CCDC178: variants seen among roughly 807,000 people sequenced by gnomAD.
The protein encoded by CCDC178 is coiled-coil domain containing 178, also known as coiled-coil domain-containing protein 178.
Under a neutral mutation model 117.4 loss-of-function variants are expected in CCDC178, and 126 were observed. That is an observed-to-expected ratio of 1.07 (90% CI 0.93 to 1.24). The LOEUF (loss-of-function observed/expected upper bound fraction) is 1.24. Among genes scored for constraint, CCDC178 ranks in the 50% most tolerant of loss-of-function variants. The pLI is 0.00. For missense variants in CCDC178, 1,030 were observed against 986.9 expected, an observed-to-expected ratio of 1.04 and a Z score of -0.59; for synonymous variants, 283 against 313.4, an observed-to-expected ratio of 0.90 and a Z score of 1.02.
At chr18:33,021,659 C>G (rs1044287638) in intron 21 of CCDC178, among the ~76,000 whole-genome samples, 3 of 152,214 alleles carry the variant, frequency 2.0e-5, no homozygotes, top group Non-Finnish European at 4.4e-5. Context: ...TACCACAGTT[C>G]TGACTTGACC....
chr18:33,245,824 A>C (rs999470929), intron 14 of CCDC178, among the ~76,000 whole-genome samples: 3 of 151,962 alleles, frequency 2.0e-5, no homozygotes, highest in African/African-American at 7.2e-5. Flanking sequence ...TACAAGAGCA[A>C]AGTTTCTCAA....
At chr18:33,405,307 A>G (rs1234029191) in intron 3 of CCDC178, among the ~76,000 whole-genome samples, 1 of 151,758 alleles carries the variant, frequency 6.6e-6, no homozygotes, top group Non-Finnish European at 1.5e-5. Context: ...CTGTATAAAT[A>G]CATCTATATC....
chr18:32,976,876 A>G (rs2055038360), intron 21 of CCDC178, among the ~76,000 whole-genome samples: 1 of 152,176 alleles, frequency 6.6e-6, no homozygotes, highest in South Asian at 2.1e-4. Context: ...ATAGTTCTTT[A>G]TATACTACCT....
intron 2 of CCDC178, among the ~76,000 whole-genome samples, chr18:33,413,100 G>A (rs1364336546): frequency 6.6e-6 from 1 of 152,090 alleles, no homozygotes; most frequent in East Asian, 1.9e-4. Flanking sequence ...AATAACAATT[G>A]TCTCATTTAA....
intron 20 of CCDC178, among the ~76,000 whole-genome samples, chr18:33,108,714 A>G (rs1013887738): frequency 6.6e-6 from 1 of 151,672 alleles, no homozygotes; most frequent in Non-Finnish European, 1.5e-5. Flanking sequence ...TGAACTTCCT[A>G]TTCTGTTAGG....
intron 21 of CCDC178, among the ~76,000 whole-genome samples, chr18:33,089,694 T>A (rs939086916): frequency 2.6e-5 from 4 of 152,244 alleles, no homozygotes; most frequent in African/African-American, 9.6e-5. Flanking sequence ...TTAACTTACC[T>A]TTCTGTGCAG....
chr18:33,282,003 C>T (rs2060031944), intron 12 of CCDC178, among the ~76,000 whole-genome samples: 2 of 152,190 alleles, frequency 1.3e-5, no homozygotes, highest in South Asian at 4.1e-4. Flanking sequence ...GGCACTGAGA[C>T]TACTGGCGTG....
intron 7 of CCDC178, among the ~76,000 whole-genome samples, chr18:33,352,229 CTT>C (rs1225249386): frequency 6.6e-5 from 10 of 152,188 alleles, no homozygotes; most frequent in Admixed American, 2.6e-4. Context: ...CTAGTATCCT[CTT>C]TTAATCCTCT....
intron 21 of CCDC178, among the ~76,000 whole-genome samples, chr18:33,028,964 A>G: frequency 6.6e-6 from 1 of 151,768 alleles, no homozygotes; most frequent in East Asian, 1.9e-4. Context: ...TTCACAAGTT[A>G]TTGGTCTGTA....
At chr18:33,063,394 C>T (rs1437277229) in intron 21 of CCDC178, among the ~76,000 whole-genome samples, 1 of 152,140 alleles carries the variant, frequency 6.6e-6, no homozygotes, top group African/African-American at 2.4e-5. Flanking sequence ...TGCCCATAAA[C>T]TCTGTTCAGG....
chr18:33,080,845 C>T (rs530890319), intron 21 of CCDC178, among the ~76,000 whole-genome samples: 127 of 152,220 alleles, frequency 8.3e-4, no homozygotes, highest in Middle Eastern at 6.8e-3. Flanking sequence ...AAATGTCTAG[C>T]ATGGTGACTG....
At chr18:33,126,520 G>T (rs1417461128) in intron 20 of CCDC178, among the ~76,000 whole-genome samples, 1 of 151,462 alleles carries the variant, frequency 6.6e-6, no homozygotes, top group Non-Finnish European at 1.5e-5. Flanking sequence ...TCAGGGGATT[G>T]GTTCCAGGAC....
rs60878431 is a variant in CCDC178 at position 33,241,429 on chromosome 18, C to CGTGTGTGT, written c.1593+3808_1593+3815dup. 1.0e-3 allele frequency among the ~76,000 whole-genome samples: 152 copies of CGTGTGTGT among 145,018 alleles called. 2 individuals are homozygous for CGTGTGTGT. Among genetic ancestry groups the CGTGTGTGT allele is most frequent in the African/African-American group, 3.6e-3 (143 of 39,528 alleles). Reference sequence around the variant, plus strand: ...TGACCCTCTTTGCAGATTATATGATCGTGTGTGTGTGTGTGTGTGTGTGTG... The same window carrying CGTGTGTGT: ...TGACCCTCTTTGCAGATTATATGATCGTGTGTGTGTGTGTGTGTGTGTGTGTGTGTGTG... On this transcript the variant is annotated intron_variant, in intron 15 of 22. Transcript: ENST00000383096.
chr18:33,307,829 G>T (rs1599137619), intron 11 of CCDC178, among the ~76,000 whole-genome samples: 2 of 152,212 alleles, frequency 1.3e-5, no homozygotes, highest in East Asian at 3.9e-4. Flanking sequence ...CAAGCCCCAA[G>T]CCTGGGTAGC....
At chr18:33,389,478 CTAA>C (rs1281833113) in intron 5 of CCDC178, 59 bp downstream of exon 5, 8 of 706,210 alleles carry the variant, frequency 1.1e-5, no homozygotes, top group South Asian at 3.8e-5. Flanking sequence ...ACATTATAGA[CTAA>C]TGAGATAATA....
intron 20 of CCDC178, among the ~76,000 whole-genome samples, chr18:33,095,765 G>GAGGTGTATATATATATATACACACTTTT (rs2057532632): frequency 6.6e-6 from 1 of 151,506 alleles, no homozygotes; most frequent in African/African-American, 2.4e-5. Context: ...TACTACTTGA[G>GAGGTGTATATATATATATACACACTTTT]AGGTGTATAT....
chr18:33,426,520 C>T (rs975578031), intron 2 of CCDC178, among the ~76,000 whole-genome samples: 7 of 152,152 alleles, frequency 4.6e-5, no homozygotes, highest in South Asian at 2.1e-4. Flanking sequence ...CTGTATTTTA[C>T]GTTCTGTATT....
intron 6 of CCDC178, among the ~76,000 whole-genome samples, chr18:33,368,784 T>C (rs1223668983): frequency 1.3e-5 from 2 of 152,008 alleles, no homozygotes; most frequent in African/African-American, 4.8e-5. Flanking sequence ...CTAAGAGCAA[T>C]GATGTAGTAA....
intron 20 of CCDC178, among the ~76,000 whole-genome samples, chr18:33,123,965 C>T (rs554400713): frequency 6.6e-6 from 1 of 152,196 alleles, no homozygotes; most frequent in South Asian, 2.1e-4. Flanking sequence ...AATAATGGAG[C>T]GTGTCTCTGC....
Sources: allele counts gnomAD v4.1 joint callset (sites outside exome capture counted in the v4.1 genomes callset), GRCh38; gene constraint gnomAD v4.1.1; transcripts MANE v1.5; gene names NCBI Gene and HGNC (gene_info 2026-07-23, HGNC 2026-07-21).